SPTBN1: variants seen among roughly 807,000 people sequenced by gnomAD.
SPTBN1 encodes spectrin beta chain, non-erythrocytic 1.
A neutral mutation model predicts 266.4 loss-of-function variants in SPTBN1; 32 were observed. The ratio of observed to expected loss-of-function variants is 0.12; its 90% confidence interval spans 0.09 to 0.16. SPTBN1 has a LOEUF of 0.16. Ranked by LOEUF, SPTBN1 falls within the 10% of genes least tolerant of loss-of-function variation. The pLI, the probability that SPTBN1 is intolerant of heterozygous loss-of-function variation, is 1.00. For synonymous variants in SPTBN1, 1,336 were observed against 1,162.2 expected, an observed-to-expected ratio of 1.15 and a Z score of -3.04; for missense variants, 2,296 against 3,067.1, an observed-to-expected ratio of 0.75 and a Z score of 5.94.
At chr2:54,525,077 C>A (rs1406583456) in intron 1 of SPTBN1, among the ~76,000 whole-genome samples, 8 of 152,170 alleles carry the variant, frequency 5.3e-5, no homozygotes, top group Non-Finnish European at 1.0e-4. Flanking sequence ...TCTGGTCCAG[C>A]ACAGAGTACG....
intron 1 of SPTBN1, among the ~76,000 whole-genome samples, chr2:54,484,186 A>C (rs1182951398): frequency 6.6e-6 from 1 of 152,206 alleles, no homozygotes; most frequent in East Asian, 1.9e-4. Context: ...ACCCTGTCTC[A>C]ACAACAAAAC....
At chr2:54,538,801 C>T (rs183601483) in intron 2 of SPTBN1, among the ~76,000 whole-genome samples, 97 of 152,288 alleles carry the variant, frequency 6.4e-4, no homozygotes, top group African/African-American at 2.2e-3. Flanking sequence ...TATGTGAAGT[C>T]GCCTTATTAG....
chr2:54,655,870 G>A, intron 28 of SPTBN1, 44 bp from the exon 29 acceptor site: 1 of 1,466,336 alleles, frequency 6.8e-7, no homozygotes, highest in Non-Finnish European at 9.5e-7. Flanking sequence ...AGAGGATGTG[G>A]TGCATTCCAT....
chr2:54,599,008 C>A, intron 2 of SPTBN1, 84 bp from the exon 3 acceptor site: 1 of 1,523,930 alleles, frequency 6.6e-7, no homozygotes, highest in South Asian at 1.2e-5. Context: ...CTTCCTCTGG[C>A]TGGGGTCTTG....
chr2:54,611,370 A>G (rs56320904), intron 3 of SPTBN1, among the ~76,000 whole-genome samples: 8,195 of 152,192 alleles, frequency 0.054, 312 homozygotes, highest in Non-Finnish European at 0.086. Flanking sequence ...CTATATTTTT[A>G]TAGTAGATGT....
chr2:54,484,542 G>A (rs143841043), intron 1 of SPTBN1, among the ~76,000 whole-genome samples: 82 of 152,306 alleles, frequency 5.4e-4, no homozygotes, highest in South Asian at 1.7e-3. Flanking sequence ...CTGGAAAGCC[G>A]AAAAAGAATG....
In SPTBN1 at chr2:54,644,264, G is replaced by A. The variant is rs1385635086; in HGVS notation, c.4006-59G>A. 2.6e-6 allele frequency: 4 copies of A among 1,564,414 alleles called. No individual in the cohort carries two copies. In the African/African-American group the frequency reaches 4.1e-5, roughly 16 times the overall value. ...AAATGTCCTAGGTTTGTTTTTCACA[G>A]TGACATTTTTTCTGTAGCAAACTTG... On this transcript the variant is annotated intron_variant, in intron 19 of 35. Coordinates refer to ENST00000356805, the MANE Select transcript of SPTBN1 (RefSeq NM_003128.3).
intron 1 of SPTBN1, among the ~76,000 whole-genome samples, chr2:54,496,326 T>C (rs1320438428): frequency 6.6e-6 from 1 of 151,168 alleles, no homozygotes; most frequent in Non-Finnish European, 1.5e-5. Context: ...TAATCCCAGC[T>C]ACTCGGGAGG....
chr2:54,512,198 G>T (rs1055024237), intron 1 of SPTBN1, among the ~76,000 whole-genome samples: 5 of 152,144 alleles, frequency 3.3e-5, no homozygotes, highest in Non-Finnish European at 7.4e-5. Flanking sequence ...GTGGCCTCGG[G>T]GTTGGGGACC....
At chr2:54,596,389 G>T (rs1676094426) in intron 2 of SPTBN1, among the ~76,000 whole-genome samples, 1 of 152,184 alleles carries the variant, frequency 6.6e-6, no homozygotes, top group Non-Finnish European at 1.5e-5. Context: ...ATAAGCATTT[G>T]CTGTTCTCCA....
chr2:54,466,362 A>AAAGTT (rs1299966153), intron 1 of SPTBN1, among the ~76,000 whole-genome samples: 1 of 89,254 alleles, frequency 1.1e-5, no homozygotes, highest in Non-Finnish European at 2.0e-5. Flanking sequence ...ATTCTTCGAG[A>AAAGTT]CCATCCTGGC....
At chr2:54,622,167 C>A in intron 8 of SPTBN1, 133 bp from the exon 9 acceptor site, 2 of 854,352 alleles carry the variant, frequency 2.3e-6, no homozygotes, top group Non-Finnish European at 3.6e-6. Context: ...CCAGGTACAG[C>A]TGAACTGTTT....
At chr2:54,623,769 C>G (rs897303734) in intron 10 of SPTBN1, among the ~76,000 whole-genome samples, 173 bp downstream of exon 10, 4 of 152,126 alleles carry the variant, frequency 2.6e-5, no homozygotes, top group Non-Finnish European at 4.4e-5. Context: ...AGCAATGGTA[C>G]CGGGTTAGGC....
chr2:54,649,558 C>G lies in SPTBN1; in HGVS notation c.5203-57C>G. On this transcript the variant is annotated intron_variant, in intron 25 of 35. Coordinates refer to ENST00000356805, the MANE Select transcript of SPTBN1 (RefSeq NM_003128.3). This position sits in a 1 kb window ranked among gnomAD's most constrained non-coding sequence, Gnocchi z 6.7. ...TCTTTCCAAAGGGTATTCATGTGAT[C>G]AAGAAATACAGAGTTCACAGTGGGC... 1 of 1,570,640 alleles carries G rather than the reference C, an allele frequency of 6.4e-7. No homozygotes were observed.
At chr2:54,562,696 TTGTGTG>T (rs55947327) in intron 2 of SPTBN1, among the ~76,000 whole-genome samples, 52 of 122,620 alleles carry the variant, frequency 4.2e-4, no homozygotes, top group East Asian at 9.1e-4. Context: ...AAACCCTGCT[TTGTGTG>T]TGTGTGTGTG....
intron 17 of SPTBN1, 113 bp downstream of exon 17, chr2:54,632,881 T>A: frequency 8.8e-7 from 1 of 1,142,792 alleles, no homozygotes; most frequent in Non-Finnish European, 1.2e-6. Context: ...GTGGGCAGAA[T>A]ATGGGTGCCC....
intron 18 of SPTBN1, among the ~76,000 whole-genome samples, chr2:54,640,741 G>A (rs1558458926): frequency 6.6e-6 from 1 of 152,182 alleles, no homozygotes; most frequent in Non-Finnish European, 1.5e-5. Flanking sequence ...TAGTAGAGAC[G>A]AGGTTTCACC....
chr2:54,632,817 A>C, intron 17 of SPTBN1, 49 bp downstream of exon 17: 1 of 1,593,158 alleles, frequency 6.3e-7, no homozygotes, highest in South Asian at 1.1e-5. Flanking sequence ...TGGGGCTCTC[A>C]AACTTCTGAA....
chr2:54,607,026 G>A (rs1159718541), intron 3 of SPTBN1, among the ~76,000 whole-genome samples: 3 of 152,178 alleles, frequency 2.0e-5, no homozygotes, highest in Non-Finnish European at 2.9e-5. Context: ...CCACATAACC[G>A]AATTAAAATC....
Sources: allele counts gnomAD v4.1 joint callset (sites outside exome capture counted in the v4.1 genomes callset), GRCh38; gene constraint gnomAD v4.1.1; non-coding constraint Gnocchi (gnomAD v3.1); transcripts MANE v1.5; gene names NCBI Gene and HGNC (gene_info 2026-07-23, HGNC 2026-07-21).